The following FBXO11 variants were observed in gnomAD, a reference collection of about 807,000 sequenced individuals.
FBXO11 encodes the protein F-box only protein 11.
FBXO11 carries 13 observed loss-of-function variants against 117.0 expected under a neutral mutation model. The ratio of observed to expected loss-of-function variants is 0.11; its 90% CI spans 0.07 to 0.18. The LOEUF (loss-of-function observed/expected upper bound fraction) is 0.18, where lower values mean the gene tolerates loss of function less well. FBXO11 is among the 10% of genes least tolerant of loss of function. FBXO11 has a pLI of 1.00. For missense variants in FBXO11, 767 were observed against 1,164.4 expected (o/e 0.66, Z 4.97); for synonymous variants, 490 against 380.5 (o/e 1.29, Z -3.35).
chr2:47,905,597 G>C lies in FBXO11; in HGVS notation c.124C>G (p.Gln42Glu). 2.3e-6 allele frequency: 3 copies of C among 1,298,212 alleles called. No homozygotes were observed. The highest frequency in any genetic ancestry group is 2.9e-6 in the Non-Finnish European group (3 of 1,024,506). 80.4% of individuals were successfully genotyped at this position (1,298,212 alleles called of 1,614,324 possible). A position where few individuals can be genotyped will look rare whatever the true frequency, so the allele number is the denominator to read the frequency against. ...PPQPPQQQPP[Q>E]QQPPPPPQQQ... Reference sequence around the variant, plus strand: ...TGCGGCGGCGGCGGAGGCTGCTGCTGGGGCGGCTGCTGCTGGGGCGGCTGC... The same window carrying C: ...TGCGGCGGCGGCGGAGGCTGCTGCTCGGGCGGCTGCTGCTGGGGCGGCTGC... The change falls in exon 1 of 23, where the codon CAG becomes GAG. Residue 42 changes from glutamine (Q) to glutamate (E), a missense_variant. Around this residue, in one of 10 missense-constraint regions of FBXO11, gnomAD observed 355 missense variants for 299.8 expected, o/e 1.18. Transcript: ENST00000403359.
chr2:47,874,810 T>C (rs939981465), intron 1 of FBXO11, among the ~76,000 whole-genome samples: 7 of 151,312 alleles, frequency 4.6e-5, no homozygotes, highest in Admixed American at 2.6e-4. Flanking sequence ...GCTAGGATTA[T>C]AGGCATGTGC....
In FBXO11 at chr2:47,842,496, G is replaced by A. The variant is rs535463469; in HGVS notation, c.233-2727C>T. Among the ~76,000 whole-genome samples the A allele has an allele frequency of 2.1e-4, 32 of 152,200 alleles. No individual in the cohort carries two copies. In the South Asian group the frequency reaches 6.4e-3, roughly 31 times the overall value. ...TTTCATAATAACAAAGGTATAAAAA[G>A]GGGGGAGAGTTTGTAAAAGTGTAAT... On this transcript the variant is annotated intron_variant, in intron 1 of 22. Coordinates refer to ENST00000403359, the MANE Select transcript of FBXO11 (RefSeq NM_001190274.2).
chr2:47,809,439 A>C, intron 20 of FBXO11, 161 bp downstream of exon 20: 1 of 689,776 alleles, frequency 1.4e-6, no homozygotes, highest in South Asian at 2.0e-5. Flanking sequence ...CTTGTATAAG[A>C]TACTCCAACC....
chr2:47,859,278 G>C (rs1674569796), intron 1 of FBXO11, among the ~76,000 whole-genome samples: 2 of 151,872 alleles, frequency 1.3e-5, no homozygotes, highest in African/African-American at 4.8e-5. Context: ...AGATCATCCA[G>C]AGTTCAAAAT....
At chr2:47,815,994 G>A (rs976846752) in intron 16 of FBXO11, among the ~76,000 whole-genome samples, 5 of 152,172 alleles carry the variant, frequency 3.3e-5, no homozygotes, top group Non-Finnish European at 5.9e-5. Flanking sequence ...ATGTGTTCAC[G>A]ACTAGGTAGG....
At chr2:47,847,691 G>A (rs189393174) in intron 1 of FBXO11, among the ~76,000 whole-genome samples, 13 of 152,244 alleles carry the variant, frequency 8.5e-5, no homozygotes, top group East Asian at 3.9e-4. Context: ...GTGACAGAGC[G>A]AGACTCTGTC....
At chr2:47,818,925 T>C (rs1173455493) in intron 15 of FBXO11, 31 bp downstream of exon 15, 1 of 1,596,104 alleles carries the variant, frequency 6.3e-7, no homozygotes, top group Non-Finnish European at 8.5e-7. Flanking sequence ...AAACAATGTA[T>C]TTCCCATCCA....
chr2:47,839,678 C>A lies in FBXO11; in HGVS notation c.324G>T (p.Pro108=). ...PYQLRRKTLL[P]KRTACPTKNS... ...TCTTTGTGGGACACGCTGTTCTTTT[C>A]GGCAAAAGAGTTTTTCTACGAAGTT... Residue 108 remains proline, a synonymous_variant, in exon 2 of 23, where the codon CCG becomes CCT. Transcript: ENST00000403359. 1 of 1,614,064 alleles carries A rather than the reference C, an allele frequency of 6.2e-7. No homozygotes were observed. Among genetic ancestry groups the A allele is most frequent in the Non-Finnish European group, 8.5e-7 (1 of 1,180,028 alleles).
At chr2:47,834,376 C>T (rs548875735) in intron 7 of FBXO11, among the ~76,000 whole-genome samples, 88 of 150,358 alleles carry the variant, frequency 5.9e-4, no homozygotes, top group African/African-American at 2.0e-3. Flanking sequence ...TTGGGGGGGG[C>T]GGGGAGAAAG....
At chr2:47,863,723 T>G (rs1341228673) in intron 1 of FBXO11, among the ~76,000 whole-genome samples, 3 of 152,094 alleles carry the variant, frequency 2.0e-5, no homozygotes, top group Non-Finnish European at 4.4e-5. Context: ...GGCAGATCAC[T>G]TGAAGTCAGG....
chr2:47,903,539 C>T (rs999874410), intron 1 of FBXO11, among the ~76,000 whole-genome samples: 2 of 152,146 alleles, frequency 1.3e-5, no homozygotes, highest in African/African-American at 2.4e-5. Context: ...TAATTTTGAA[C>T]AAATGAATAA....
intron 17 of FBXO11, 34 bp downstream of exon 17, chr2:47,813,757 T>G (rs1469502530): frequency 7.0e-7 from 1 of 1,431,968 alleles, no homozygotes; most frequent in Admixed American, 2.2e-5. Context: ...CTAAAGTTTA[T>G]TAACACAGAA....
chr2:47,877,554 G>A (rs1676099125), intron 1 of FBXO11, among the ~76,000 whole-genome samples: 1 of 152,082 alleles, frequency 6.6e-6, no homozygotes, highest in Non-Finnish European at 1.5e-5. Context: ...TCGAATTTTT[G>A]TTTGGCAGGT....
chr2:47,837,280 A>C (rs980657878), intron 4 of FBXO11, among the ~76,000 whole-genome samples: 5 of 152,188 alleles, frequency 3.3e-5, no homozygotes, highest in Middle Eastern at 3.2e-3. Context: ...TAATCCCAGC[A>C]CTTTGGGAGG....
At chr2:47,852,486 C>T (rs1673947637) in intron 1 of FBXO11, among the ~76,000 whole-genome samples, 1 of 152,122 alleles carries the variant, frequency 6.6e-6, no homozygotes, top group Non-Finnish European at 1.5e-5. Flanking sequence ...GTTCTACTGA[C>T]AGGCAGTTCA....
intron 1 of FBXO11, among the ~76,000 whole-genome samples, chr2:47,870,781 T>C (rs1426877478): frequency 2.0e-5 from 3 of 152,206 alleles, no homozygotes; most frequent in East Asian, 3.8e-4. Flanking sequence ...AAATTTTACT[T>C]ATCTACATTC....
At chr2:47,875,796 C>A (rs551863782) in intron 1 of FBXO11, among the ~76,000 whole-genome samples, 7 of 152,282 alleles carry the variant, frequency 4.6e-5, no homozygotes, top group African/African-American at 1.7e-4. Context: ...TTCCAACTGA[C>A]CCTGATGGTA....
At chr2:47,825,081 GATT>G (rs1671650806) in intron 11 of FBXO11, among the ~76,000 whole-genome samples, 14 of 151,138 alleles carry the variant, frequency 9.3e-5, no homozygotes, top group African/African-American at 3.4e-4. Flanking sequence ...ACTCAAACAG[GATT>G]TGATGAATTT....
intron 1 of FBXO11, among the ~76,000 whole-genome samples, chr2:47,894,149 G>C (rs1243596378): frequency 1.3e-5 from 2 of 152,144 alleles, no homozygotes; most frequent in Non-Finnish European, 2.9e-5. Flanking sequence ...TTTAGTACAA[G>C]CTTTCACTTG....
Sources: allele counts gnomAD v4.1 joint callset (sites outside exome capture counted in the v4.1 genomes callset), GRCh38; gene constraint gnomAD v4.1.1; regional missense constraint gnomAD v4.1.1; transcripts MANE v1.5; gene names NCBI Gene and HGNC (gene_info 2026-07-23, HGNC 2026-07-21).